The following CCKBR variants were observed in gnomAD, a reference collection of about 807,000 sequenced individuals.
The protein encoded by CCKBR is gastrin/cholecystokinin type B receptor.
Under a neutral mutation model 34.6 loss-of-function variants are expected in CCKBR, and 33 were observed. The observed-to-expected ratio is 0.95, with a 90% CI of 0.72 to 1.27. The LOEUF is 1.27. Among genes scored for constraint, CCKBR ranks in the 50% most tolerant of loss-of-function variants. The pLI, the probability that CCKBR is intolerant of heterozygous loss-of-function variation, is 0.00. For missense variants in CCKBR, 652 were observed against 617.4 expected, an observed-to-expected ratio of 1.06 and a Z score of -0.59; for synonymous variants, 269 against 267.5, an observed-to-expected ratio of 1.01 and a Z score of -0.06.
At position 6,270,997 on chromosome 11, in the gene CCKBR, C is replaced by T. The variant is rs201659480; in HGVS notation, c.812-14C>T. On this transcript the variant is annotated splice_polypyrimidine_tract_variant and intron_variant, in intron 4 of 4. Coordinates refer to ENST00000334619, the MANE Select transcript of CCKBR (RefSeq NM_176875.4). ...ACTCGCCTTTTTCTCTGACCGCCCA[C>T]CCTTTGTGCTCAGGGGCTGTTCACC... The T allele has an allele frequency of 6.2e-7, 1 of 1,613,926 alleles. No homozygotes were observed. Among genetic ancestry groups the T allele is most frequent in the Non-Finnish European group, 8.5e-7 (1 of 1,179,836 alleles).
intron 1 of CCKBR, among the ~76,000 whole-genome samples, chr11:6,263,469 CTTTTTTTTT>C (rs71056735): frequency 7.3e-6 from 1 of 136,338 alleles, no homozygotes. Flanking sequence ...AGATTAACAT[CTTTTTTTTT>C]TTTTTTTTTT....
chr11:6,270,752 G>T lies in CCKBR; in HGVS notation c.760G>T (p.Asp254Tyr). The T allele has an allele frequency of 6.2e-7, 1 of 1,614,196 alleles. No individual in the cohort carries two copies. The highest frequency in any genetic ancestry group is 8.5e-7 in the Non-Finnish European group (1 of 1,180,044). Residue 254 changes from aspartate to tyrosine, a missense_variant, in exon 4 of 5, where the codon GAC (aspartate) becomes TAC (tyrosine). Coordinates refer to ENST00000334619, the MANE Select transcript of CCKBR (RefSeq NM_176875.4). ...ELYLGLRFDG[D>Y]SDSDSQSRVR... ...CTACTTAGGGCTTCGCTTTGACGGC[G>T]ACAGTGACAGCGACAGCCAAAGCAG...
chr11:6,261,366 T>G (rs536414957), intron 1 of CCKBR, among the ~76,000 whole-genome samples: 1 of 148,208 alleles, frequency 6.7e-6, no homozygotes, highest in Admixed American at 6.8e-5. Flanking sequence ...GAATTAAAGT[T>G]GGCCTCTTGA....
chr11:6,261,155 A>G (rs886142213), intron 1 of CCKBR, among the ~76,000 whole-genome samples: 2 of 152,120 alleles, frequency 1.3e-5, no homozygotes, highest in Non-Finnish European at 2.9e-5. Flanking sequence ...CATTCAGCCA[A>G]TATTTATTGA....
chr11:6,262,751 T>C (rs1474811071), intron 1 of CCKBR, among the ~76,000 whole-genome samples: 1 of 147,962 alleles, frequency 6.8e-6, no homozygotes, highest in Admixed American at 6.8e-5. Flanking sequence ...TTGCCAAAAA[T>C]AGCATGAGAT....
chr11:6,270,583 T>G (rs1469227389), intron 3 of CCKBR, 63 bp from the exon 4 acceptor site: 2 of 1,525,056 alleles, frequency 1.3e-6, no homozygotes, highest in African/African-American at 2.8e-5. Flanking sequence ...AGTCCTTGGC[T>G]TTTTCTCCAT....
Position 6,271,484 on chromosome 11 carries a change from TC to T in CCKBR, c.1287del (p.Ile430LeufsTer21). On this transcript the variant is annotated frameshift_variant, in exon 5 of 5. Coordinates refer to ENST00000334619, the MANE Select transcript of CCKBR (RefSeq NM_176875.4). LOFTEE classifies it high-confidence loss of function. ...ALPDEDPPTP[S>X]IASLSRLSYT... Reference sequence around the variant, plus strand: ...TCCCGATGAGGACCCTCCCACTCCCTCCATTGCTTCGCTGTCCAGGCTTAGC... The same window carrying T: ...TCCCGATGAGGACCCTCCCACTCCCTCATTGCTTCGCTGTCCAGGCTTAGC... 1 of 1,611,708 alleles carries T rather than the reference TC, an allele frequency of 6.2e-7. No homozygotes were observed.
In CCKBR at chr11:6,271,854, C is replaced by T. The variant is rs1848323864; in HGVS notation, c.*311C>T. On this transcript the variant is annotated 3_prime_UTR_variant, in exon 5 of 5. Coordinates refer to ENST00000334619, the MANE Select transcript of CCKBR (RefSeq NM_176875.4). ...GGGAACTCTGACAAGGGCTGACCTGCCTCTCACACACATAGATTAATGGCA... is the reference window on the plus strand; with the variant it reads ...GGGAACTCTGACAAGGGCTGACCTGTCTCTCACACACATAGATTAATGGCA... 5.6e-6 allele frequency: 2 copies of T among 354,902 alleles called. No homozygotes were observed. Among genetic ancestry groups the T allele is most frequent in the Non-Finnish European group, 1.0e-5 (2 of 195,670 alleles). 22.0% of individuals were successfully genotyped at this position (354,902 alleles called of 1,614,324 possible).
At chr11:6,266,892 T>G (rs549391071) in intron 1 of CCKBR, among the ~76,000 whole-genome samples, 1 of 152,334 alleles carries the variant, frequency 6.6e-6, no homozygotes, top group South Asian at 2.1e-4. Flanking sequence ...CGGTATAGCC[T>G]ACTGCTCCCA....
chr11:6,261,043 A>T (rs979295709), intron 1 of CCKBR, among the ~76,000 whole-genome samples: 7 of 152,172 alleles, frequency 4.6e-5, no homozygotes, highest in Non-Finnish European at 1.0e-4. Context: ...TAAACTCAAA[A>T]AGGGAAAGTT....
rs1404061098 is a variant in CCKBR, at chr11:6,269,765, G to T, written c.248G>T (p.Arg83Leu). 6.2e-7 allele frequency: 1 copy of T among 1,614,110 alleles called. No homozygotes were observed. Among genetic ancestry groups the T allele is most frequent in the Non-Finnish European group, 8.5e-7 (1 of 1,180,022 alleles). The change falls in exon 2 of 5, where the codon CGC becomes CTC. Residue 83 changes from arginine (R) to leucine (L), a missense_variant. Arg to Leu is a moderately radical substitution (Grantham distance 102). Transcript: ENST00000334619. The stretch of plus-strand genomic sequence containing the variant: ...ATCATCGTGGTCCTGGGACTGAGCC[G>T]CCGCCTGAGGACTGTCACCAATGCC... Reference protein sequence around the residue: ...MLIIVVLGLSRRLRTVTNAFL... With the variant: ...MLIIVVLGLSLRLRTVTNAFL...
At chr11:6,264,576 T>C (rs537789205) in intron 1 of CCKBR, 1 of 700,986 alleles carries the variant, frequency 1.4e-6, no homozygotes, top group South Asian at 1.5e-5. Flanking sequence ...CCCAGGAAGA[T>C]GATGAGATGA....
In CCKBR at chr11:6,259,895, C is replaced by T. The variant is rs1848100405; in HGVS notation, c.-34C>T. 1 of 1,401,110 alleles carries T rather than the reference C, an allele frequency of 7.1e-7. No homozygotes were observed. 86.8% of individuals were successfully genotyped at this position (1,401,110 alleles called of 1,614,324 possible). A position where few individuals can be genotyped will look rare whatever the true frequency, so the allele number is the denominator to read the frequency against. On this transcript the variant is annotated 5_prime_UTR_variant, in exon 1 of 5. Transcript: ENST00000334619. The stretch of plus-strand genomic sequence containing the variant: ...GAGCCGCGTTGGGAGCCCGCCGGGT[C>T]GAGCTGAGTAAGGCGGCGGGCTCGG...
chr11:6,265,193 G>A (rs1025694582), intron 1 of CCKBR, among the ~76,000 whole-genome samples: 1 of 152,190 alleles, frequency 6.6e-6, no homozygotes, highest in Non-Finnish European at 1.5e-5. Context: ...GACGTGTGGA[G>A]ACAGTGGTGG....
chr11:6,269,977 T>C, intron 2 of CCKBR, 57 bp downstream of exon 2: 2 of 1,606,706 alleles, frequency 1.2e-6, no homozygotes, highest in East Asian at 2.2e-5. Context: ...AAAGCTCTTG[T>C]GGATGTAGGG....
At chr11:6,267,417 G>A (rs1848225509) in intron 1 of CCKBR, among the ~76,000 whole-genome samples, 1 of 151,808 alleles carries the variant, frequency 6.6e-6, no homozygotes, top group Non-Finnish European at 1.5e-5. Context: ...GCTACACAGG[G>A]TCAGGATAAA....
intron 1 of CCKBR, among the ~76,000 whole-genome samples, chr11:6,267,533 A>G (rs1464849339): frequency 6.6e-6 from 1 of 152,216 alleles, no homozygotes; most frequent in Non-Finnish European, 1.5e-5. Flanking sequence ...ATTCTGGAAT[A>G]CATCTTAAAG....
rs1433156953 is a variant in CCKBR at position 6,271,688 on chromosome 11, C to T, written c.*145C>T. ...CAACGCACAGGAAAAGGTAGCTTAC[C>T]TGACACAAGAGGAATAAGAATGGAG... On this transcript the variant is annotated 3_prime_UTR_variant, in exon 5 of 5. Transcript: ENST00000334619. 1 of 781,134 alleles carries T rather than the reference C, an allele frequency of 1.3e-6. No homozygotes were observed. Among genetic ancestry groups the T allele is most frequent in the Non-Finnish European group, 2.0e-6 (1 of 504,250 alleles). The allele number at this position is 781,134 out of a possible 1,614,324, so 48.4% of individuals were successfully genotyped here.
Position 6,270,274 on chromosome 11 carries a change from C to T in CCKBR, c.590C>T (p.Pro197Leu), listed in dbSNP as rs1406027018. Residue 197 changes from proline (P) to leucine (L), a missense_variant, in exon 3 of 5, where the codon CCA (proline) becomes CTA (leucine). By Grantham distance (98) the Pro-to-Leu change is moderately conservative. Transcript: ENST00000334619. ...VPYPVYTVVQ[P>L]VGPRVLQCVH... ...TACCCCGTGTACACTGTCGTGCAAC[C>T]AGTGGGGCCTCGTGTGCTGCAGTGC... 6.2e-7 allele frequency: 1 copy of T among 1,613,462 alleles called. No homozygotes were observed.
Sources: gnomAD v4.1 joint callset for allele counts (sites outside exome capture counted in the v4.1 genomes callset) on GRCh38, gnomAD v4.1.1 for gene constraint, MANE v1.5 for transcripts, NCBI Gene and HGNC (gene_info 2026-07-23, HGNC 2026-07-21) for gene names.